CLSTN2: variants seen among roughly 807,000 people sequenced by gnomAD.
CLSTN2 encodes calsyntenin 2.
In CLSTN2, 48 loss-of-function variants were observed where a neutral mutation model predicts 101.2. The ratio of observed to expected loss-of-function variants is 0.47; its 90% CI spans 0.38 to 0.60. The LOEUF is 0.60. Ranked by LOEUF, CLSTN2 falls within the 20% of genes least tolerant of loss-of-function variation. The pLI, the probability that CLSTN2 is intolerant of heterozygous loss-of-function variation, is 0.00. For missense variants in CLSTN2, 1,160 were observed against 1,238.2 expected, an observed-to-expected ratio of 0.94 and a Z score of 0.95; for synonymous variants, 481 against 463.6, an observed-to-expected ratio of 1.04 and a Z score of -0.48.
At chr3:140,446,560 C>T (rs1484448637) in intron 5 of CLSTN2, among the ~76,000 whole-genome samples, 1 of 152,164 alleles carries the variant, frequency 6.6e-6, no homozygotes, top group African/African-American at 2.4e-5. Context: ...TGATCAGTCC[C>T]TACTGCATGC....
intron 2 of CLSTN2, among the ~76,000 whole-genome samples, chr3:140,199,386 G>A (rs893486627): frequency 6.6e-6 from 1 of 151,912 alleles, no homozygotes; most frequent in East Asian, 1.9e-4. Context: ...CACATTCTTG[G>A]GCTTCACCCC....
At position 140,427,207 on chromosome 3, in the gene CLSTN2, GTA is replaced by G. The variant is rs1301184422; in HGVS notation, c.787+5949_787+5950del. ...AAAATATATATATATATATATATGT[GTA>G]TATATATATATATATGTGTGTATAT... On this transcript the variant is annotated intron_variant, in intron 5 of 16. Coordinates refer to ENST00000458420, the MANE Select transcript of CLSTN2 (RefSeq NM_022131.3). 1.1e-3 allele frequency among the ~76,000 whole-genome samples: 92 copies of G among 84,944 alleles called. 4 individuals carry two copies. The highest frequency in any genetic ancestry group is 1.3e-3 in the Non-Finnish European group (67 of 50,158). 55.7% of individuals were successfully genotyped at this position (84,944 alleles called of 152,430 possible). A position where few individuals can be genotyped will look rare whatever the true frequency, so the allele number is the denominator to read the frequency against.
At chr3:140,041,266 C>A (rs2007756925) in intron 1 of CLSTN2, among the ~76,000 whole-genome samples, 1 of 152,188 alleles carries the variant, frequency 6.6e-6, no homozygotes, top group Admixed American at 6.5e-5. Context: ...TGGCCACGTA[C>A]AGCCAGCTCA....
chr3:140,370,595 G>A (rs2107956986), intron 2 of CLSTN2, among the ~76,000 whole-genome samples: 1 of 152,090 alleles, frequency 6.6e-6, no homozygotes, highest in Admixed American at 6.5e-5. Flanking sequence ...AGAAGGAGAT[G>A]ACCCCAGCAC....
At chr3:140,055,693 GAAC>G (rs1476977889) in intron 1 of CLSTN2, among the ~76,000 whole-genome samples, 54 of 152,122 alleles carry the variant, frequency 3.5e-4, no homozygotes, top group Admixed American at 3.3e-3. Flanking sequence ...CTGTCTCCTT[GAAC>G]AACAACAACA....
At chr3:139,942,645 G>A (rs1035727875) in intron 1 of CLSTN2, among the ~76,000 whole-genome samples, 1 of 152,114 alleles carries the variant, frequency 6.6e-6, no homozygotes, top group African/African-American at 2.4e-5. Context: ...TCTCACGGCA[G>A]GATTTTATAT....
chr3:140,427,248 T>C lies in CLSTN2; in HGVS notation c.787+5974T>C, dbSNP rs1407045176. On this transcript the variant is annotated intron_variant, in intron 5 of 16. Coordinates refer to ENST00000458420, the MANE Select transcript of CLSTN2 (RefSeq NM_022131.3). ...ATGTGTGTATATATATATATATACA[T>C]ATATATATACATAAATTAAAAAATA... Among the ~76,000 whole-genome samples, 738 of 136,062 alleles carry C rather than the reference T, an allele frequency of 5.4e-3. 41 individuals are homozygous for C. Among genetic ancestry groups the C allele is most frequent in the African/African-American group, 0.019 (681 of 35,944 alleles). 89.3% of individuals were successfully genotyped at this position (136,062 alleles called of 152,430 possible).
intron 10 of CLSTN2, among the ~76,000 whole-genome samples, chr3:140,549,990 C>T (rs1935674382): frequency 6.7e-6 from 1 of 150,110 alleles, no homozygotes; most frequent in African/African-American, 2.5e-5. Flanking sequence ...TGTGGAATCA[C>T]CACATTCCTG....
At chr3:140,212,944 C>T (rs1488550289) in intron 2 of CLSTN2, among the ~76,000 whole-genome samples, 1 of 152,176 alleles carries the variant, frequency 6.6e-6, no homozygotes, top group Non-Finnish European at 1.5e-5. Flanking sequence ...AAGGTGCAGT[C>T]TGTCTTCCCA....
intron 1 of CLSTN2, among the ~76,000 whole-genome samples, chr3:140,070,104 T>A (rs2008365854): frequency 6.6e-6 from 1 of 152,228 alleles, no homozygotes. Flanking sequence ...TCTTTGGTCC[T>A]GCTGTCAGCA....
intron 9 of CLSTN2, among the ~76,000 whole-genome samples, chr3:140,537,351 A>C (rs1447121512): frequency 2.0e-5 from 3 of 152,194 alleles, no homozygotes; most frequent in Non-Finnish European, 4.4e-5. Context: ...ATAAACACTG[A>C]GACTTCATTT....
chr3:140,509,147 T>C (rs1052607117), intron 8 of CLSTN2, among the ~76,000 whole-genome samples: 5 of 152,130 alleles, frequency 3.3e-5, no homozygotes, highest in African/African-American at 1.2e-4. Context: ...TGTGAATGAA[T>C]TGAGTGAATT....
intron 2 of CLSTN2, among the ~76,000 whole-genome samples, chr3:140,327,777 T>C (rs996652176): frequency 1.5e-4 from 23 of 152,248 alleles, no homozygotes; most frequent in African/African-American, 5.3e-4. Flanking sequence ...TTGATAAGTG[T>C]CAGTTTTCTT....
At chr3:140,070,705 AAG>A (rs2008377222) in intron 1 of CLSTN2, among the ~76,000 whole-genome samples, 1 of 152,140 alleles carries the variant, frequency 6.6e-6, no homozygotes, top group Non-Finnish European at 1.5e-5. Context: ...TCTTGGTGGG[AAG>A]AGTTTCCAAA....
At chr3:140,023,917 G>A (rs1256474351) in intron 1 of CLSTN2, among the ~76,000 whole-genome samples, 1 of 152,192 alleles carries the variant, frequency 6.6e-6, no homozygotes, top group East Asian at 1.9e-4. Flanking sequence ...ACCACTGCAG[G>A]CCTCACTGCC....
chr3:139,972,786 G>C (rs1312823929), intron 1 of CLSTN2, among the ~76,000 whole-genome samples: 1 of 152,170 alleles, frequency 6.6e-6, no homozygotes, highest in African/African-American at 2.4e-5. Context: ...AGGAAGAAGA[G>C]TGTGAGGACT....
At chr3:140,124,114 C>G (rs1553800310) in intron 1 of CLSTN2, among the ~76,000 whole-genome samples, 1 of 151,966 alleles carries the variant, frequency 6.6e-6, no homozygotes, top group Non-Finnish European at 1.5e-5. Flanking sequence ...GTATGAACTG[C>G]TGGAGAAAGG....
rs140517043 is a variant in CLSTN2 at position 140,014,544 on chromosome 3, C to T, written c.109+79061C>T. Among the ~76,000 whole-genome samples the T allele has an allele frequency of 9.7e-3, 1,478 of 152,078 alleles. 13 individuals are homozygous for T. Among genetic ancestry groups the T allele is most frequent in the Middle Eastern group, 0.048 (14 of 294 alleles). On this transcript the variant is annotated intron_variant, in intron 1 of 16. Coordinates refer to ENST00000458420, the MANE Select transcript of CLSTN2 (RefSeq NM_022131.3). ...AGGATGCAATTTTAAATAGGGGGTT[C>T]GAGCTCAGTAAGAAGGGCATGTTGA... is the stretch of plus-strand genomic sequence containing the variant.
At chr3:140,231,091 C>T (rs1290973275) in intron 2 of CLSTN2, among the ~76,000 whole-genome samples, 1 of 152,170 alleles carries the variant, frequency 6.6e-6, no homozygotes, top group African/African-American at 2.4e-5. Flanking sequence ...CACTTCTAAC[C>T]TTTCTCACCA....
Sources: allele counts gnomAD v4.1 joint callset (sites outside exome capture counted in the v4.1 genomes callset), GRCh38; gene constraint gnomAD v4.1.1; transcripts MANE v1.5; gene names NCBI Gene and HGNC (gene_info 2026-07-23, HGNC 2026-07-21).